Variants in USP6NL observed in about 807,000 individuals in gnomAD.
USP6NL encodes USP6 N-terminal-like protein.
In USP6NL, 26 loss-of-function variants were observed where a neutral mutation model predicts 61.9. That is an observed-to-expected ratio of 0.42 (90% CI 0.31 to 0.58). The LOEUF (loss-of-function observed/expected upper bound fraction) is 0.58, where lower values mean the gene tolerates loss of function less well. Ranked by LOEUF, USP6NL falls within the 20% of genes least tolerant of loss-of-function variation. The pLI is 0.16. For missense variants in USP6NL, 1,114 were observed against 1,034.3 expected (o/e 1.08, Z -1.06); for synonymous variants, 432 against 390.1 (o/e 1.11, Z -1.27).
intron 2 of USP6NL, among the ~76,000 whole-genome samples, chr10:11,529,307 T>C (rs773237248): frequency 6.6e-6 from 1 of 152,212 alleles, no homozygotes; most frequent in Non-Finnish European, 1.5e-5. Context: ...ACATTGCAGT[T>C]CCTTATAATG....
chr10:11,576,558 C>T (rs1421155872), intron 2 of USP6NL, among the ~76,000 whole-genome samples: 3 of 152,180 alleles, frequency 2.0e-5, no homozygotes, highest in African/African-American at 7.2e-5. Context: ...AGCTAGAAGG[C>T]GCCATCTATG....
chr10:11,544,204 A>G (rs533046594), intron 2 of USP6NL, among the ~76,000 whole-genome samples: 16 of 152,228 alleles, frequency 1.1e-4, no homozygotes, highest in African/African-American at 3.6e-4. Flanking sequence ...TCAGACCATA[A>G]ATGGATTTTT....
In USP6NL at chr10:11,562,394, CCCTTTT is replaced by C. The variant is rs776221658; in HGVS notation, c.5-34833_5-34828del. 58 of 985,296 alleles carry C rather than the reference CCCTTTT, an allele frequency of 5.9e-5. No individual in the cohort carries two copies. The highest frequency in any genetic ancestry group is 6.9e-5 in the Non-Finnish European group (57 of 829,942). The allele number at this position is 985,296 out of a possible 1,614,324, so 61.0% of individuals were successfully genotyped here. On this transcript the variant is annotated intron_variant, in intron 2 of 14. Coordinates refer to ENST00000609104, the MANE Select transcript of USP6NL (RefSeq NM_014688.5). This position sits in a 1 kb window ranked among gnomAD's most constrained non-coding sequence, Gnocchi z 4.8. Reference sequence around the variant, plus strand: ...ACAGGTGACACCAACTTCAGATTTCCCCTTTTCCTTTTTCTTCTTGCTTGGCTCTTG... The same window carrying C: ...ACAGGTGACACCAACTTCAGATTTCCCCTTTTTCTTCTTGCTTGGCTCTTG...
intron 2 of USP6NL, among the ~76,000 whole-genome samples, chr10:11,550,309 T>C (rs1285167601): frequency 6.6e-6 from 1 of 152,096 alleles, no homozygotes; most frequent in Non-Finnish European, 1.5e-5. Flanking sequence ...CTTCAAGGGA[T>C]ATAAATAAGA....
In USP6NL at chr10:11,465,707, T is replaced by C. The variant is rs1328109291; in HGVS notation, c.1079-1858A>G. On this transcript the variant is annotated intron_variant, in intron 14 of 14. Transcript: ENST00000609104. This position sits in a 1 kb window ranked among gnomAD's most constrained non-coding sequence, Gnocchi z 4.5. ...GTGCTGCCTGGAGGTGCCCAGATTC[T>C]GAGTTCCATGTTTCAGTCTGCATCA... 6.6e-6 allele frequency among the ~76,000 whole-genome samples: 1 copy of C among 152,180 alleles called. No homozygotes were observed. The highest frequency in any genetic ancestry group is 2.1e-4 in the South Asian group (1 of 4,832).
At chr10:11,560,593 T>C (rs1163852876) in intron 2 of USP6NL, among the ~76,000 whole-genome samples, 2 of 151,476 alleles carry the variant, frequency 1.3e-5, no homozygotes, top group Non-Finnish European at 2.9e-5. Context: ...GGTTATCTGT[T>C]TTTAAAAGAC....
At position 11,527,644 on chromosome 10, in the gene USP6NL, T is replaced by C. The variant is rs1835474572; in HGVS notation, c.5-77A>G. 1.5e-5 allele frequency: 19 copies of C among 1,291,190 alleles called. No homozygotes were observed. In the South Asian group the frequency reaches 2.4e-4, roughly 16 times the overall value. 80.0% of individuals were successfully genotyped at this position (1,291,190 alleles called of 1,614,324 possible). A position where few individuals can be genotyped will look rare whatever the true frequency, so the allele number is the denominator to read the frequency against. ...GTTAATTAATTATGAAACTAAGACA[T>C]AATAAAACAAAAAATAAATACTGCC... On this transcript the variant is annotated intron_variant, in intron 2 of 14. Transcript: ENST00000609104.
Position 11,460,524 on chromosome 10 carries a change from T to G in USP6NL, c.*1917A>C, listed in dbSNP as rs1175675018. Reference sequence around the variant, plus strand: ...AAGACACAAAATATACTTATTACTTTTAGCATGTTAAAAAACAATCACATC... The same window carrying G: ...AAGACACAAAATATACTTATTACTTGTAGCATGTTAAAAAACAATCACATC... On this transcript the variant is annotated 3_prime_UTR_variant, in exon 15 of 15. Coordinates refer to ENST00000609104, the MANE Select transcript of USP6NL (RefSeq NM_014688.5). The G allele has an allele frequency of 6.6e-6, 1 of 151,060 alleles. No homozygotes were observed. The allele number at this position is 151,060 out of a possible 1,614,324, so 9.4% of individuals were successfully genotyped here.
Position 11,513,814 on chromosome 10 carries a change from G to A in USP6NL, c.196-4139C>T, listed in dbSNP as rs1334429524. 6.6e-6 allele frequency among the ~76,000 whole-genome samples: 1 copy of A among 152,152 alleles called. No individual in the cohort carries two copies. Among genetic ancestry groups the A allele is most frequent in the Non-Finnish European group, 1.5e-5 (1 of 68,026 alleles). ...CTGTTCTTTATAGCTGGTTTTTTCT[G>A]TGGTGTGGGCAACTCGGAATCCAAT... On this transcript the variant is annotated intron_variant, in intron 5 of 14. Coordinates refer to ENST00000609104, the MANE Select transcript of USP6NL (RefSeq NM_014688.5). The surrounding 1 kb of genome is among the most constrained non-coding windows in gnomAD (Gnocchi z 4.7).
chr10:11,568,746 C>T (rs1837257873), intron 2 of USP6NL, among the ~76,000 whole-genome samples: 2 of 152,264 alleles, frequency 1.3e-5, no homozygotes, highest in Admixed American at 6.5e-5. Context: ...CCCCATATTG[C>T]TTTTGTCCTT....
chr10:11,577,449 G>A (rs1837592637), intron 2 of USP6NL, among the ~76,000 whole-genome samples: 1 of 151,952 alleles, frequency 6.6e-6, no homozygotes, highest in Non-Finnish European at 1.5e-5. Context: ...CCTTTTCACT[G>A]CTGATACATA....
intron 6 of USP6NL, 100 bp downstream of exon 6, chr10:11,509,495 A>G: frequency 2.6e-6 from 3 of 1,176,286 alleles, no homozygotes; most frequent in Non-Finnish European, 1.2e-6. Flanking sequence ...TCAAAACCAA[A>G]TATGAATGTA....
In USP6NL at chr10:11,461,782, A is replaced by G. The variant is rs2096215003; in HGVS notation, c.*659T>C. On this transcript the variant is annotated 3_prime_UTR_variant, in exon 15 of 15. Coordinates refer to ENST00000609104, the MANE Select transcript of USP6NL (RefSeq NM_014688.5). The stretch of plus-strand genomic sequence containing the variant: ...ATGTCTTTAATTTTCAGATTGAAAG[A>G]AAATGGCAACAGCTGAAGGAGAATG... The G allele has an allele frequency of 6.6e-6, 1 of 152,270 alleles. No individual in the cohort carries two copies. Among genetic ancestry groups the G allele is most frequent in the Non-Finnish European group, 1.5e-5 (1 of 68,056 alleles). 9.4% of individuals were successfully genotyped at this position (152,270 alleles called of 1,614,324 possible).
chr10:11,573,541 G>A (rs2133579394), intron 2 of USP6NL: 1 of 398,320 alleles, frequency 2.5e-6, no homozygotes, highest in South Asian at 1.3e-4. Context: ...GCACATCCTT[G>A]GGTCCATACT....
At chr10:11,565,500 G>A (rs1444776429) in intron 2 of USP6NL, 2 of 152,140 alleles carry the variant, frequency 1.3e-5, no homozygotes, top group East Asian at 3.9e-4. Flanking sequence ...AGATTAGCTG[G>A]GCGTGGTGGC....
intron 2 of USP6NL, among the ~76,000 whole-genome samples, chr10:11,531,527 AG>A: frequency 6.6e-6 from 1 of 152,192 alleles, no homozygotes; most frequent in African/African-American, 2.4e-5. Flanking sequence ...CATGTTGGCC[AG>A]GCTGGTCTCA....
chr10:11,494,254 T>C (rs1230720672), intron 7 of USP6NL, among the ~76,000 whole-genome samples: 3 of 152,328 alleles, frequency 2.0e-5, no homozygotes, highest in African/African-American at 4.8e-5. Context: ...TAGAAGCTTG[T>C]AGGAGTTTCT....
At chr10:11,503,963 C>T (rs1030101063) in intron 6 of USP6NL, among the ~76,000 whole-genome samples, 3 of 151,778 alleles carry the variant, frequency 2.0e-5, no homozygotes, top group Admixed American at 6.6e-5. Context: ...CATGGAATAG[C>T]GAACAGGAAA....
At chr10:11,594,324 T>C (rs1838253272) in intron 2 of USP6NL, among the ~76,000 whole-genome samples, 1 of 152,194 alleles carries the variant, frequency 6.6e-6, no homozygotes, top group Non-Finnish European at 1.5e-5. Flanking sequence ...TGGAAAGAAC[T>C]GAAAACTGAA....
Sources: allele counts gnomAD v4.1 joint callset (sites outside exome capture counted in the v4.1 genomes callset), GRCh38; gene constraint gnomAD v4.1.1; non-coding constraint Gnocchi (gnomAD v3.1); transcripts MANE v1.5; gene names NCBI Gene and HGNC (gene_info 2026-07-23, HGNC 2026-07-21).